The following FAM171B variants were observed in gnomAD, a reference collection of about 807,000 sequenced individuals.
The protein encoded by FAM171B is family with sequence similarity 171 member B, also known as protein FAM171B.
In FAM171B, 19 loss-of-function variants were observed where a neutral mutation model predicts 75.6. The observed-to-expected ratio is 0.25, with a 90% CI of 0.18 to 0.37. FAM171B has a LOEUF of 0.37. FAM171B is among the 10% of genes least tolerant of loss of function. The pLI is 1.00. For synonymous variants in FAM171B, 367 were observed against 361.7 expected (o/e 1.01, Z -0.17); for missense variants, 848 against 982.4 (o/e 0.86, Z 1.83).
In FAM171B at chr2:186,763,392, A is replaced by G. The variant is rs1021605504; in HGVS notation, c.*569A>G. The G allele has an allele frequency of 6.6e-6, 1 of 152,194 alleles. No homozygotes were observed. The highest frequency in any genetic ancestry group is 1.5e-5 in the Non-Finnish European group (1 of 68,046). 9.4% of individuals were successfully genotyped at this position (152,194 alleles called of 1,614,324 possible). A position where few individuals can be genotyped will look rare whatever the true frequency, so the allele number is the denominator to read the frequency against. On this transcript the variant is annotated 3_prime_UTR_variant, in exon 8 of 8. Coordinates refer to ENST00000304698, the MANE Select transcript of FAM171B (RefSeq NM_177454.4). ...GTATCATCCCAAACGTAAATCCTACATTTATATAAGATGGGCAAGAAGCTA... is the reference window on the plus strand; with the variant it reads ...GTATCATCCCAAACGTAAATCCTACGTTTATATAAGATGGGCAAGAAGCTA...
At position 186,759,657 on chromosome 2, in the gene FAM171B, C is replaced by T. The variant is rs568364320; in HGVS notation, c.1013-1456C>T. ...GTCTTTTTTTGAGAAATGTTCTATT[C>T]AAGTCTTTTGCTCATTTTTTAATGG... On this transcript the variant is annotated intron_variant, in intron 6 of 7. Transcript: ENST00000304698. 3.9e-5 allele frequency among the ~76,000 whole-genome samples: 6 copies of T among 152,082 alleles called. 1 individual carries two copies. Among genetic ancestry groups the T allele is most frequent in the African/African-American group, 1.4e-4 (6 of 41,548 alleles).
At chr2:186,736,567 G>GTGTGTGTGTGTGTGA (rs55683607) in intron 1 of FAM171B, among the ~76,000 whole-genome samples, 67 of 104,588 alleles carry the variant, frequency 6.4e-4, no homozygotes, top group Non-Finnish European at 6.1e-4. Flanking sequence ...TGTGTGTGTG[G>GTGTGTGTGTGTGTGA]GAGAGAGAGA....
chr2:186,761,109 G>A lies in FAM171B; in HGVS notation c.1013-4G>A. 1.2e-6 allele frequency: 2 copies of A among 1,604,894 alleles called. No individual in the cohort carries two copies. Reference sequence around the variant, plus strand: ...TTTCTCTTTGTTTATATTGAACCATGTAGGTTCAGGTATAAATGAAGATTC... The same window carrying A: ...TTTCTCTTTGTTTATATTGAACCATATAGGTTCAGGTATAAATGAAGATTC... On this transcript the variant is annotated splice_polypyrimidine_tract_variant and splice_region_variant and intron_variant, in intron 6 of 7. Coordinates refer to ENST00000304698, the MANE Select transcript of FAM171B (RefSeq NM_177454.4).
rs1370540685 is a variant in FAM171B at position 186,765,371 on chromosome 2, C to CTAAA, written c.*2549_*2552dup. 1 of 151,924 alleles carries CTAAA rather than the reference C, an allele frequency of 6.6e-6. No individual in the cohort carries two copies. The highest frequency in any genetic ancestry group is 1.5e-5 in the Non-Finnish European group (1 of 67,894). 9.4% of individuals were successfully genotyped at this position (151,924 alleles called of 1,614,324 possible). Reference sequence around the variant, plus strand: ...CTTGACTAACTGATGGATTCATTTACTAAAGCACAGCTGTATGTATTTTTG... The same window carrying CTAAA: ...CTTGACTAACTGATGGATTCATTTACTAAATAAAGCACAGCTGTATGTATTTTTG... On this transcript the variant is annotated 3_prime_UTR_variant, in exon 8 of 8. Coordinates refer to ENST00000304698, the MANE Select transcript of FAM171B (RefSeq NM_177454.4).
chr2:186,718,940 G>A (rs1689910831), intron 1 of FAM171B, among the ~76,000 whole-genome samples: 1 of 152,084 alleles, frequency 6.6e-6, no homozygotes, highest in Non-Finnish European at 1.5e-5. Context: ...TGGCAATATA[G>A]TTGCTGTCTG....
chr2:186,742,027 G>A (rs1018830552), intron 2 of FAM171B, among the ~76,000 whole-genome samples: 60 of 152,024 alleles, frequency 3.9e-4, no homozygotes, highest in Admixed American at 2.0e-4. Flanking sequence ...AAATACTTAT[G>A]TTATTAAATG....
At chr2:186,752,752 C>T (rs1690475162) in intron 5 of FAM171B, among the ~76,000 whole-genome samples, 1 of 152,146 alleles carries the variant, frequency 6.6e-6, no homozygotes. Flanking sequence ...TCTCATTTTC[C>T]AGTTTCTCTA....
intron 1 of FAM171B, among the ~76,000 whole-genome samples, chr2:186,704,961 A>G (rs1004513698): frequency 7.9e-5 from 12 of 152,192 alleles, no homozygotes; most frequent in African/African-American, 1.7e-4. Flanking sequence ...ATTCCTTTAT[A>G]CTTTATTGAT....
chr2:186,756,066 T>TA (rs1420524025), intron 6 of FAM171B, among the ~76,000 whole-genome samples: 2 of 152,222 alleles, frequency 1.3e-5, no homozygotes, highest in African/African-American at 4.8e-5. Context: ...GAAATGTACT[T>TA]ACACTAAAAA....
At chr2:186,703,743 A>C (rs1689698013) in intron 1 of FAM171B, among the ~76,000 whole-genome samples, 1 of 152,072 alleles carries the variant, frequency 6.6e-6, no homozygotes, top group Non-Finnish European at 1.5e-5. Flanking sequence ...TTTCTTTAAA[A>C]CTTGAAACAT....
chr2:186,696,703 C>T (rs1417519433), intron 1 of FAM171B, among the ~76,000 whole-genome samples: 1 of 151,874 alleles, frequency 6.6e-6, no homozygotes, highest in Non-Finnish European at 1.5e-5. Context: ...GCCATTTTCT[C>T]TGCCTGGAAT....
chr2:186,740,485 T>C (rs1397895118), intron 2 of FAM171B, 24 bp downstream of exon 2: 1 of 1,553,216 alleles, frequency 6.4e-7, no homozygotes, highest in East Asian at 2.3e-5. Flanking sequence ...CAGTTTTTTT[T>C]TGTTTGTTTT....
At chr2:186,759,856 T>A (rs1690588850) in intron 6 of FAM171B, among the ~76,000 whole-genome samples, 1 of 152,106 alleles carries the variant, frequency 6.6e-6, no homozygotes, top group Non-Finnish European at 1.5e-5. Context: ...ACTCAATAAA[T>A]CTTTGCCAAG....
At chr2:186,740,138 GTTAT>G (rs769866181) in intron 1 of FAM171B, 86 bp from the exon 2 acceptor site, 1 of 847,730 alleles carries the variant, frequency 1.2e-6, no homozygotes, top group Non-Finnish European at 1.9e-6. Flanking sequence ...GTTTTGTACT[GTTAT>G]TTAGATATGT....
intron 1 of FAM171B, among the ~76,000 whole-genome samples, chr2:186,715,782 C>T (rs1249372764): frequency 6.6e-6 from 1 of 152,196 alleles, no homozygotes; most frequent in Admixed American, 6.5e-5. Flanking sequence ...AGAGGTGTAG[C>T]TAGTAGAGTT....
At chr2:186,757,764 A>G (rs962399985) in intron 6 of FAM171B, among the ~76,000 whole-genome samples, 9 of 151,962 alleles carry the variant, frequency 5.9e-5, no homozygotes, top group Admixed American at 5.9e-4. Flanking sequence ...ATACAGATAC[A>G]CTCTCTTGCT....
At chr2:186,706,885 TTATA>T (rs1689739802) in intron 1 of FAM171B, among the ~76,000 whole-genome samples, 1 of 151,998 alleles carries the variant, frequency 6.6e-6, no homozygotes, top group African/African-American at 2.4e-5. Flanking sequence ...ATATTGAAAA[TTATA>T]TATTAATATT....
chr2:186,736,939 G>A (rs1268931877), intron 1 of FAM171B, among the ~76,000 whole-genome samples: 2 of 152,078 alleles, frequency 1.3e-5, no homozygotes, highest in Non-Finnish European at 2.9e-5. Context: ...TTTCTTATCA[G>A]TGTACTCTAA....
intron 1 of FAM171B, among the ~76,000 whole-genome samples, chr2:186,705,655 C>T (rs1689723950): frequency 6.6e-6 from 1 of 152,028 alleles, no homozygotes; most frequent in African/African-American, 2.4e-5. Flanking sequence ...CATTTAGACT[C>T]AAAAAACATT....
Sources: allele counts gnomAD v4.1 joint callset (sites outside exome capture counted in the v4.1 genomes callset), GRCh38; gene constraint gnomAD v4.1.1; transcripts MANE v1.5; gene names NCBI Gene and HGNC (gene_info 2026-07-23, HGNC 2026-07-21).